FBXO34: variants seen among roughly 807,000 people sequenced by gnomAD.
The protein encoded by FBXO34 is F-box only protein 34.
A neutral mutation model predicts 24.5 loss-of-function variants in FBXO34; 12 were observed. The observed-to-expected ratio is 0.49, with a 90% confidence interval of 0.31 to 0.79. The LOEUF is 0.79. FBXO34 is among the 30% of genes least tolerant of loss of function. FBXO34 has a pLI of 0.04. For synonymous variants in FBXO34, 320 were observed against 311.9 expected, an observed-to-expected ratio of 1.03 and a Z score of -0.27; for missense variants, 823 against 857.7, an observed-to-expected ratio of 0.96 and a Z score of 0.51.
chr14:55,367,817 A>G lies in FBXO34; in HGVS notation c.*1015A>G, dbSNP rs188755651. ...TCATGGAAAATTCATAGAGCCAAGG[A>G]ATTTGTGACTACCGGATAGAAATAA... On this transcript the variant is annotated 3_prime_UTR_variant and NMD_transcript_variant, in exon 3 of 3. Coordinates refer to the FBXO34 transcript ENST00000680658. 7 of 152,270 alleles carry G rather than the reference A, an allele frequency of 4.6e-5. No individual in the cohort carries two copies. The East Asian group carries it at 1.3e-3, about 29-fold the overall frequency. 9.4% of individuals were successfully genotyped at this position (152,270 alleles called of 1,614,324 possible).
At chr14:55,358,835 G>A (rs1884555939) in intron 3 of FBXO34, among the ~76,000 whole-genome samples, 2 of 152,108 alleles carry the variant, frequency 1.3e-5, no homozygotes, top group South Asian at 2.1e-4. Context: ...TCAACCACTG[G>A]GGGTGGGAGC....
rs199951494 is a variant in FBXO34 at position 55,314,953 on chromosome 14, T to G, written c.-10-35428T>G. ...ACCTCCATGTTCTTAACAGCATTCTTGTATTCTGATTTCTTGATTTCTCAG... is the reference window on the plus strand; with the variant it reads ...ACCTCCATGTTCTTAACAGCATTCTGGTATTCTGATTTCTTGATTTCTCAG... On this transcript the variant is annotated intron_variant, in intron 1 of 1. Transcript: ENST00000313833. Among the ~76,000 whole-genome samples the G allele has an allele frequency of 1.6e-4, 25 of 152,362 alleles. No individual in the cohort carries two copies. In the East Asian group the frequency reaches 4.4e-3, roughly 27 times the overall value.
intron 1 of FBXO34, among the ~76,000 whole-genome samples, chr14:55,280,452 T>A (rs528242590): frequency 6.6e-6 from 1 of 152,128 alleles, no homozygotes; most frequent in Admixed American, 6.5e-5. Flanking sequence ...TTTTAAGTAA[T>A]CTAGAGTTTG....
At position 55,352,598 on chromosome 14, in the gene FBXO34, G is replaced by T; in HGVS notation, c.*72G>T. The stretch of plus-strand genomic sequence containing the variant: ...ACACCTAGATACACCGTTCAAATGA[G>T]CGTAGCCCCCTGAGTCATCACTCTA... On this transcript the variant is annotated 3_prime_UTR_variant, in exon 2 of 2. Transcript: ENST00000313833. 2.4e-6 allele frequency: 3 copies of T among 1,267,330 alleles called. No homozygotes were observed. In the South Asian group the frequency reaches 4.6e-5, roughly 19 times the overall value. The allele number at this position is 1,267,330 out of a possible 1,614,324, so 78.5% of individuals were successfully genotyped here. A position where few individuals can be genotyped will look rare whatever the true frequency, so the allele number is the denominator to read the frequency against.
At chr14:55,275,739 G>C (rs1046266425) in intron 1 of FBXO34, among the ~76,000 whole-genome samples, 2 of 149,664 alleles carry the variant, frequency 1.3e-5, no homozygotes, top group African/African-American at 4.9e-5. Context: ...CAGGAGAATG[G>C]TGTGAACCCG....
chr14:55,435,735 C>T, the FBXO34 span: 3 of 782,046 alleles, frequency 3.8e-6, no homozygotes, highest in African/African-American at 5.6e-5. Flanking sequence ...AAAGCTTTTT[C>T]AGTAACAATT....
At chr14:55,371,935 C>A (rs1244314379), downstream of FBXO34, among the ~76,000 whole-genome samples, 1 of 152,232 alleles carries the variant, frequency 6.6e-6, no homozygotes, top group Non-Finnish European at 1.5e-5. Flanking sequence ...CCTTGAATTT[C>A]TCTGCCAGCA....
chr14:55,403,751 T>C, the FBXO34 span, among the ~76,000 whole-genome samples: 2 of 152,168 alleles, frequency 1.3e-5, no homozygotes, highest in African/African-American at 2.4e-5. Context: ...AGAATATGCA[T>C]AGGATATTGA....
the FBXO34 span, among the ~76,000 whole-genome samples, chr14:55,377,377 G>C: frequency 6.6e-6 from 1 of 151,992 alleles, no homozygotes; most frequent in African/African-American, 2.4e-5. Context: ...GAATTGTTAC[G>C]ACGGACAAGG....
At chr14:55,328,948 T>C (rs532129048) in intron 1 of FBXO34, among the ~76,000 whole-genome samples, 18 of 152,040 alleles carry the variant, frequency 1.2e-4, no homozygotes, top group Non-Finnish European at 1.9e-4. Flanking sequence ...CCTTTGTGTA[T>C]GTGTACCTAG....
At chr14:55,399,482 A>G in the FBXO34 span, among the ~76,000 whole-genome samples, 1 of 152,200 alleles carries the variant, frequency 6.6e-6, no homozygotes, top group Non-Finnish European at 1.5e-5. Context: ...GGATGAACCC[A>G]TAGATTCATC....
intron 1 of FBXO34, among the ~76,000 whole-genome samples, chr14:55,297,929 C>G (rs918554527): frequency 3.3e-5 from 5 of 152,172 alleles, no homozygotes; most frequent in African/African-American, 1.2e-4. Context: ...AAACACTGAC[C>G]GTCCACTTCT....
At chr14:55,282,560 A>G in intron 1 of FBXO34, 1 of 207,926 alleles carries the variant, frequency 4.8e-6, no homozygotes, top group Non-Finnish European at 1.0e-5. Flanking sequence ...AAACAGTTCT[A>G]TTGCCAGGGG....
chr14:55,348,812 A>G (rs1013250765), intron 1 of FBXO34, among the ~76,000 whole-genome samples: 1 of 152,078 alleles, frequency 6.6e-6, no homozygotes, highest in Admixed American at 6.6e-5. Flanking sequence ...TGAAAGGTAA[A>G]CTTGTTCCAG....
At chr14:55,328,772 T>G (rs1358956126) in intron 1 of FBXO34, among the ~76,000 whole-genome samples, 1 of 152,164 alleles carries the variant, frequency 6.6e-6, no homozygotes, top group Non-Finnish European at 1.5e-5. Flanking sequence ...ATTCCTAAAC[T>G]GTTTGAGGTG....
intron 1 of FBXO34, among the ~76,000 whole-genome samples, chr14:55,287,591 CTATGATGTTATT>C (rs1881804881): frequency 6.6e-6 from 1 of 152,136 alleles, no homozygotes; most frequent in South Asian, 2.1e-4. Context: ...CAGTCCCCAC[CTATGATGTTATT>C]TTTTGATTAA....
intron 3 of FBXO34, among the ~76,000 whole-genome samples, chr14:55,360,304 C>G (rs1384625671): frequency 6.6e-6 from 1 of 152,112 alleles, no homozygotes; most frequent in African/African-American, 2.4e-5. Flanking sequence ...AACTCCTGAT[C>G]TCAGGTGATC....
chr14:55,335,272 G>A (rs902446243), intron 1 of FBXO34: 1 of 152,204 alleles, frequency 6.6e-6, no homozygotes, highest in African/African-American at 2.4e-5. Flanking sequence ...TTCTGTGCTT[G>A]ATCCTGGGGG....
chr14:55,382,793 G>C, the FBXO34 span, among the ~76,000 whole-genome samples: 1 of 152,142 alleles, frequency 6.6e-6, no homozygotes, highest in Non-Finnish European at 1.5e-5. Flanking sequence ...AAACTACTTG[G>C]TCTCAACACC....
Sources: allele counts gnomAD v4.1 joint callset (sites outside exome capture counted in the v4.1 genomes callset), GRCh38; gene constraint gnomAD v4.1.1; transcripts MANE v1.5; gene names NCBI Gene and HGNC (gene_info 2026-07-23, HGNC 2026-07-21).